SLX4IP: variants seen among roughly 807,000 people sequenced by gnomAD.
The protein encoded by SLX4IP is SLX4 interacting protein, also known as protein SLX4IP.
SLX4IP carries 34 observed loss-of-function variants against 32.9 expected under a neutral mutation model. That is an observed-to-expected ratio of 1.03 (90% CI 0.79 to 1.38). The LOEUF is 1.38. Among genes scored for constraint, SLX4IP ranks in the 40% most tolerant of loss-of-function variants. The probability of loss-of-function intolerance (pLI) is 0.00; values close to 1 mark genes in which losing one functional copy is unlikely to be tolerated. For synonymous variants in SLX4IP, 172 were observed against 171.7 expected, an observed-to-expected ratio of 1.00 and a Z score of -0.01; for missense variants, 444 against 479.0, an observed-to-expected ratio of 0.93 and a Z score of 0.68.
At chr20:10,581,044 C>T (rs2066580990) in intron 4 of SLX4IP, among the ~76,000 whole-genome samples, 1 of 151,802 alleles carries the variant, frequency 6.6e-6, no homozygotes, top group Non-Finnish European at 1.5e-5. Context: ...TCTTCTGAGC[C>T]CCAAAAAAGC....
At chr20:10,436,789 C>T (rs957626790) in intron 1 of SLX4IP, among the ~76,000 whole-genome samples, 5 of 152,180 alleles carry the variant, frequency 3.3e-5, no homozygotes, top group Admixed American at 1.3e-4. Context: ...GATGTTAGGG[C>T]GTCAATTTAG....
At chr20:10,448,623 G>C (rs1173160137) in intron 1 of SLX4IP, among the ~76,000 whole-genome samples, 1 of 152,156 alleles carries the variant, frequency 6.6e-6, no homozygotes, top group Non-Finnish European at 1.5e-5. Flanking sequence ...TTAAGATTAA[G>C]AATGGAGTTA....
intron 2 of SLX4IP, among the ~76,000 whole-genome samples, chr20:10,517,376 T>G (rs2065859710): frequency 6.6e-6 from 1 of 152,152 alleles, no homozygotes; most frequent in South Asian, 2.1e-4. Flanking sequence ...GAACGTGATG[T>G]AGGGTGGGGA....
intron 4 of SLX4IP, among the ~76,000 whole-genome samples, chr20:10,592,879 A>T (rs192081387): frequency 4.6e-5 from 7 of 151,992 alleles, no homozygotes; most frequent in African/African-American, 1.7e-4. Context: ...TGATCTGCCC[A>T]CCTTGGCCTC....
At chr20:10,609,036 T>G (rs931481809) in intron 6 of SLX4IP, among the ~76,000 whole-genome samples, 12 of 152,112 alleles carry the variant, frequency 7.9e-5, no homozygotes, top group South Asian at 2.1e-4. Context: ...AGGCAAAAAC[T>G]TGTGACCTTC....
chr20:10,550,101 G>A (rs2066203331), intron 2 of SLX4IP, among the ~76,000 whole-genome samples: 1 of 152,078 alleles, frequency 6.6e-6, no homozygotes, highest in East Asian at 1.9e-4. Flanking sequence ...GACTCTGATT[G>A]GTGCTGTATT....
intron 2 of SLX4IP, among the ~76,000 whole-genome samples, chr20:10,487,149 A>G (rs1158719758): frequency 6.6e-6 from 1 of 152,204 alleles, no homozygotes; most frequent in Non-Finnish European, 1.5e-5. Flanking sequence ...AACAAAAACA[A>G]CAACAACAAA....
chr20:10,531,242 G>A (rs1419473449), intron 2 of SLX4IP, among the ~76,000 whole-genome samples: 1 of 152,190 alleles, frequency 6.6e-6, no homozygotes, highest in Non-Finnish European at 1.5e-5. Flanking sequence ...ACTTGACAGG[G>A]AAGTTCATTT....
At chr20:10,440,136 A>ATTTTTTTTTTTT (rs577778324) in intron 1 of SLX4IP, among the ~76,000 whole-genome samples, 1 of 143,078 alleles carries the variant, frequency 7.0e-6, no homozygotes. Context: ...AAAAGATTGC[A>ATTTTTTTTTTTT]TTTTTTTTTT....
intron 2 of SLX4IP, among the ~76,000 whole-genome samples, chr20:10,477,446 T>C (rs1346440772): frequency 1.3e-5 from 2 of 152,152 alleles, no homozygotes; most frequent in Admixed American, 6.5e-5. Context: ...TTTGTGTTTT[T>C]AGTAGAAATG....
At chr20:10,531,887 A>G (rs1029610793) in intron 2 of SLX4IP, among the ~76,000 whole-genome samples, 63 of 152,346 alleles carry the variant, frequency 4.1e-4, no homozygotes, top group African/African-American at 1.5e-3. Context: ...CAAGTTTTAC[A>G]GTCTTTTCCC....
At chr20:10,620,187 G>A (rs963351232) in intron 6 of SLX4IP, among the ~76,000 whole-genome samples, 1 of 152,174 alleles carries the variant, frequency 6.6e-6, no homozygotes, top group African/African-American at 2.4e-5. Context: ...TGTTTCTGGT[G>A]GTAGCAACAT....
chr20:10,484,224 C>T (rs1254831591), intron 2 of SLX4IP, among the ~76,000 whole-genome samples: 1 of 151,934 alleles, frequency 6.6e-6, no homozygotes, highest in Non-Finnish European at 1.5e-5. Context: ...ATTTTTCCTC[C>T]CCTACAATGA....
chr20:10,608,865 T>C (rs1476160541), intron 6 of SLX4IP, among the ~76,000 whole-genome samples: 1 of 152,112 alleles, frequency 6.6e-6, no homozygotes, highest in African/African-American at 2.4e-5. Context: ...ATCATTCTGC[T>C]TATATTATTA....
At chr20:10,581,643 C>T (rs1160242402) in intron 4 of SLX4IP, among the ~76,000 whole-genome samples, 1 of 152,134 alleles carries the variant, frequency 6.6e-6, no homozygotes, top group Admixed American at 6.5e-5. Context: ...AGGCCAGGTG[C>T]AGTGGCTCAT....
intron 2 of SLX4IP, among the ~76,000 whole-genome samples, chr20:10,548,826 G>T (rs115944089): frequency 2.0e-5 from 3 of 152,182 alleles, no homozygotes; most frequent in Non-Finnish European, 4.4e-5. Context: ...ACCAAGTCTG[G>T]CACACAAGCG....
At position 10,601,790 on chromosome 20, in the gene SLX4IP, G is replaced by T; in HGVS notation, c.376G>T (p.Asp126Tyr). 6.2e-7 allele frequency: 1 copy of T among 1,613,944 alleles called. No homozygotes were observed. Among genetic ancestry groups the T allele is most frequent in the Non-Finnish European group, 8.5e-7 (1 of 1,179,916 alleles). The change falls in exon 6 of 8, where the codon GAT becomes TAT. Residue 126 changes from aspartate (D) to tyrosine (Y), a missense_variant. Physicochemically the swap from Asp to Tyr is radical, Grantham distance 160. Transcript: ENST00000334534. ...TGTCAGTCAGCTTGCATTCAGTCGT[G>T]ATCTTTTAGCAAGTCAGAATGAAGA... is the stretch of plus-strand genomic sequence containing the variant. The part of the protein sequence containing the change: ...VCVSQLAFSR[D>Y]LLASQNEDLT...
rs1285737486 is a variant in SLX4IP, at chr20:10,623,599, T to A, written c.*220T>A. 3.2e-6 allele frequency: 2 copies of A among 625,176 alleles called. No individual in the cohort carries two copies. The highest frequency in any genetic ancestry group is 5.8e-5 in the East Asian group (2 of 34,748). 38.7% of individuals were successfully genotyped at this position (625,176 alleles called of 1,614,324 possible). ...ACAGCGTTGCTTCTTTATCATTGTATTTTATGACTGTCTTCAGAGAATTAG... is the reference window on the plus strand; with the variant it reads ...ACAGCGTTGCTTCTTTATCATTGTAATTTATGACTGTCTTCAGAGAATTAG... On this transcript the variant is annotated 3_prime_UTR_variant, in exon 8 of 8. Transcript: ENST00000334534.
intron 2 of SLX4IP, among the ~76,000 whole-genome samples, chr20:10,467,496 C>T (rs1330894740): frequency 6.6e-6 from 1 of 152,192 alleles, no homozygotes; most frequent in East Asian, 1.9e-4. Flanking sequence ...TACTTAAAGT[C>T]TGCATCTTCC....
Sources: allele counts gnomAD v4.1 joint callset (sites outside exome capture counted in the v4.1 genomes callset), GRCh38; gene constraint gnomAD v4.1.1; transcripts MANE v1.5; gene names NCBI Gene and HGNC (gene_info 2026-07-23, HGNC 2026-07-21).